Variants in FAM184A observed in about 807,000 individuals in gnomAD.
FAM184A encodes the protein protein FAM184A.
A neutral mutation model predicts 143.8 loss-of-function variants in FAM184A; 99 were observed. The observed-to-expected ratio is 0.69, with a 90% CI of 0.58 to 0.81. The LOEUF (loss-of-function observed/expected upper bound fraction) is 0.81, where lower values mean the gene tolerates loss of function less well. Among genes scored for constraint, FAM184A ranks in the 40% least tolerant of loss-of-function variants. The pLI, the probability that FAM184A is intolerant of heterozygous loss-of-function variation, is 0.00. For missense variants in FAM184A, 1,217 were observed against 1,310.5 expected, an observed-to-expected ratio of 0.93 and a Z score of 1.10; for synonymous variants, 427 against 446.4, an observed-to-expected ratio of 0.96 and a Z score of 0.55.
rs61476918 is a variant in FAM184A, at chr6:118,991,751, CTTTTTTTTTTTTTTT to C, written c.2088+11133_2088+11147del. On this transcript the variant is annotated intron_variant, in intron 9 of 17. Transcript: ENST00000338891. ...ATTCAATGGGGTGCCCCTGAGAGGA[CTTTTTTTTTTTTTTT>C]TTTTTTTTTTTTTTGAGACAGAGTC... 1.7e-4 allele frequency among the ~76,000 whole-genome samples: 7 copies of C among 42,374 alleles called. No individual in the cohort carries two copies. In the South Asian group the frequency reaches 5.0e-3, roughly 30 times the overall value. 27.8% of individuals were successfully genotyped at this position (42,374 alleles called of 152,430 possible).
chr6:119,080,915 G>C (rs956171830), upstream of FAM184A, among the ~76,000 whole-genome samples: 1 of 152,192 alleles, frequency 6.6e-6, no homozygotes, highest in African/African-American at 2.4e-5. Flanking sequence ...AATCATAGAA[G>C]CTTCTGCTTC....
intron 9 of FAM184A, among the ~76,000 whole-genome samples, chr6:118,984,467 T>C (rs1423662359): frequency 3.9e-5 from 6 of 151,948 alleles, no homozygotes; most frequent in African/African-American, 1.2e-4. Flanking sequence ...CATGAGCCAC[T>C]GTGCCCAGCC....
At chr6:119,123,399 A>G (rs1789280039) in intron 1 of FAM184A, among the ~76,000 whole-genome samples, 2 of 152,092 alleles carry the variant, frequency 1.3e-5, no homozygotes, top group South Asian at 4.2e-4. Flanking sequence ...AAAAATACCA[A>G]AAAACAAACA....
At chr6:118,962,924 C>T (rs577264901) in intron 16 of FAM184A, 2 of 151,970 alleles carry the variant, frequency 1.3e-5, no homozygotes, top group South Asian at 2.1e-4. Context: ...GGAAATAACT[C>T]GAGTTTGGGA....
At chr6:119,143,678 G>A (rs368536176) in intron 1 of FAM184A, among the ~76,000 whole-genome samples, 59 of 152,264 alleles carry the variant, frequency 3.9e-4, no homozygotes, top group African/African-American at 1.4e-3. Context: ...GAACCTTTAG[G>A]ACATGACGCT....
At chr6:119,108,267 T>C (rs1301781703) in intron 1 of FAM184A, among the ~76,000 whole-genome samples, 1 of 152,082 alleles carries the variant, frequency 6.6e-6, no homozygotes. Context: ...CAAATTCCCC[T>C]TGACACTCTC....
At chr6:119,007,319 T>A (rs1784952837) in intron 6 of FAM184A, among the ~76,000 whole-genome samples, 1 of 152,190 alleles carries the variant, frequency 6.6e-6, no homozygotes, top group African/African-American at 2.4e-5. Flanking sequence ...AAAGTTGAAA[T>A]TGGTAATTTA....
chr6:118,987,678 G>C (rs1784235785), intron 9 of FAM184A, among the ~76,000 whole-genome samples: 1 of 151,964 alleles, frequency 6.6e-6, no homozygotes, highest in African/African-American at 2.4e-5. Context: ...TTTTAAAAAA[G>C]GAAGTCACTA....
At chr6:119,147,425 T>A (rs1772487026) in intron 1 of FAM184A, among the ~76,000 whole-genome samples, 2 of 152,084 alleles carry the variant, frequency 1.3e-5, no homozygotes, top group South Asian at 4.1e-4. Context: ...TTTGCTGACA[T>A]AAGATGAGGG....
At chr6:119,012,618 A>G (rs1320383710) in intron 5 of FAM184A, among the ~76,000 whole-genome samples, 2 of 152,232 alleles carry the variant, frequency 1.3e-5, no homozygotes. Flanking sequence ...CAGGTTTTTT[A>G]TCGGCAACTG....
At chr6:119,036,982 G>A (rs148806357) in intron 1 of FAM184A, among the ~76,000 whole-genome samples, 14 of 152,278 alleles carry the variant, frequency 9.2e-5, no homozygotes, top group African/African-American at 3.4e-4. Context: ...TTCAGTTAAG[G>A]CACAAAATGT....
chr6:119,079,397 A>G (rs1787996509), upstream of FAM184A, among the ~76,000 whole-genome samples: 1 of 152,206 alleles, frequency 6.6e-6, no homozygotes, highest in South Asian at 2.1e-4. Flanking sequence ...TAATGGTAAA[A>G]AAAACAGAAG....
intron 1 of FAM184A, among the ~76,000 whole-genome samples, chr6:119,099,805 C>G (rs1788595924): frequency 1.3e-5 from 2 of 152,152 alleles, no homozygotes; most frequent in African/African-American, 4.8e-5. Flanking sequence ...CTTCCCATAC[C>G]TCACCCTATG....
rs1423833721 is a variant in FAM184A, at chr6:119,078,150, C to T, written c.150G>A (p.Gln50=). The T allele has an allele frequency of 1.3e-6, 2 of 1,590,002 alleles. No homozygotes were observed. Among genetic ancestry groups the T allele is most frequent in the Non-Finnish European group, 1.7e-6 (2 of 1,170,192 alleles). ...MHLKMSKKIA[Q]LTKVIYALNT... ...TCGCTGCCCCCCTTACCTTGGTGAG[C>T]TGGGCGATTTTCTTGCTCATTTTCA... is the stretch of plus-strand genomic sequence containing the variant. The change falls in exon 1 of 18, where the codon CAG becomes CAA. Residue 50 remains glutamine, a synonymous_variant. Coordinates refer to ENST00000338891, the MANE Select transcript of FAM184A (RefSeq NM_024581.6). This position sits in a 1 kb window ranked among gnomAD's most constrained non-coding sequence, Gnocchi z 5.5.
At chr6:119,109,532 T>C (rs1788875629) in intron 1 of FAM184A, among the ~76,000 whole-genome samples, 1 of 152,200 alleles carries the variant, frequency 6.6e-6, no homozygotes, top group Non-Finnish European at 1.5e-5. Context: ...TGTCACTGGA[T>C]GAATACTTTA....
chr6:119,125,781 C>T lies in FAM184A; in HGVS notation c.-202+23297G>A, dbSNP rs116327762. Among the ~76,000 whole-genome samples the T allele has an allele frequency of 4.9e-3, 752 of 152,238 alleles. 8 individuals are homozygous for T. The highest frequency in any genetic ancestry group is 0.017 in the African/African-American group (707 of 41,540). On this transcript the variant is annotated intron_variant, in intron 1 of 16. Transcript: ENST00000352896. ...GAGGAGTTTCCAGAGTCTTGCTCATCGTATGTGCCCAGAGAAGTTGTTGGA... is the reference window on the plus strand; with the variant it reads ...GAGGAGTTTCCAGAGTCTTGCTCATTGTATGTGCCCAGAGAAGTTGTTGGA...
At position 119,057,576 on chromosome 6, in the gene FAM184A, CA is replaced by C. The variant is rs869228041; in HGVS notation, c.159+20564del. Among the ~76,000 whole-genome samples, 31 of 151,986 alleles carry C rather than the reference CA, an allele frequency of 2.0e-4. No individual in the cohort carries two copies. In the East Asian group the frequency reaches 2.3e-3, roughly 11 times the overall value. Reference sequence around the variant, plus strand: ...CAGGGTAGTGAGACCCCCAACTGTACAAAAAAATTTTTTTAATTATTCAGGT... The same window carrying C: ...CAGGGTAGTGAGACCCCCAACTGTACAAAAAATTTTTTTAATTATTCAGGT... On this transcript the variant is annotated intron_variant, in intron 1 of 17. Transcript: ENST00000338891.
chr6:119,082,194 C>A (rs112535898), upstream of FAM184A, among the ~76,000 whole-genome samples: 7 of 152,328 alleles, frequency 4.6e-5, no homozygotes, highest in African/African-American at 1.7e-4. Flanking sequence ...CCCTTCCCAG[C>A]ACTTTCCTTC....
intron 1 of FAM184A, among the ~76,000 whole-genome samples, chr6:119,136,106 G>A (rs1276697959): frequency 2.8e-4 from 41 of 148,742 alleles, no homozygotes; most frequent in African/African-American, 1.0e-3. Flanking sequence ...GTGAAACCCC[G>A]TCTCTACTAA....
Sources: allele counts gnomAD v4.1 joint callset (sites outside exome capture counted in the v4.1 genomes callset), GRCh38; gene constraint gnomAD v4.1.1; non-coding constraint Gnocchi (gnomAD v3.1); transcripts MANE v1.5; gene names NCBI Gene and HGNC (gene_info 2026-07-23, HGNC 2026-07-21).